The following MYBBP1A variants were observed in gnomAD, a reference collection of about 807,000 sequenced individuals.
The protein encoded by MYBBP1A is MYB binding protein 1a.
A neutral mutation model predicts 136.3 loss-of-function variants in MYBBP1A; 147 were observed. The observed-to-expected ratio is 1.08, with a 90% CI of 0.94 to 1.24. The LOEUF is 1.24. MYBBP1A is among the 50% of genes most tolerant of loss of function. The pLI is 0.00. For synonymous variants in MYBBP1A, 947 were observed against 735.8 expected (o/e 1.29, Z -4.65); for missense variants, 2,060 against 1,727.4 (o/e 1.19, Z -3.41).
Position 4,549,369 on chromosome 17 carries a change from G to C in MYBBP1A, c.1393C>G (p.Leu465Val). The C allele has an allele frequency of 6.2e-7, 1 of 1,613,050 alleles. No individual in the cohort carries two copies. Among genetic ancestry groups the C allele is most frequent in the Admixed American group, 1.7e-5 (1 of 59,994 alleles). Residue 465 changes from leucine (L) to valine (V), a missense_variant, in exon 10 of 26, where the codon CTG becomes GTG. Transcript: ENST00000254718. ...TCAGTCAAGGCCTCCTCCATCTCCA[G>C]GTGCAGGCTGTCCACAATGCTCACC... is the stretch of plus-strand genomic sequence containing the variant. ...RLVSIVDSLHLEMEEALTEQV... is the reference protein window; with the variant it reads ...RLVSIVDSLHVEMEEALTEQV...
Position 4,554,011 on chromosome 17 carries a change from G to T in MYBBP1A, c.453+8C>A. On this transcript the variant is annotated splice_region_variant and intron_variant, in intron 4 of 25. Coordinates refer to ENST00000254718, the MANE Select transcript of MYBBP1A (RefSeq NM_014520.4). ...CCTACATTCCCCCAGTCCCTCCAAAGCTCTTACCTTCACCAGCCGACCTGA... is the reference window on the plus strand; with the variant it reads ...CCTACATTCCCCCAGTCCCTCCAAATCTCTTACCTTCACCAGCCGACCTGA... The T allele has an allele frequency of 6.2e-7, 1 of 1,614,038 alleles. No homozygotes were observed. Among genetic ancestry groups the T allele is most frequent in the Non-Finnish European group, 8.5e-7 (1 of 1,180,016 alleles).
intron 8 of MYBBP1A, among the ~76,000 whole-genome samples, chr17:4,551,423 G>A (rs1475049353): frequency 6.6e-6 from 1 of 152,236 alleles, no homozygotes; most frequent in Non-Finnish European, 1.5e-5. Context: ...AACTGTCAGA[G>A]GGAAGCCAGG....
intron 2 of MYBBP1A, among the ~76,000 whole-genome samples, chr17:4,554,490 C>G (rs978515200): frequency 1.4e-4 from 21 of 152,210 alleles, no homozygotes; most frequent in Admixed American, 6.5e-5. Context: ...GAGCTCCCCT[C>G]AGGCTGATCC....
Position 4,545,652 on chromosome 17 carries a change from G to A in MYBBP1A, c.2031C>T (p.Ile677=). ...GGGCACGCGGGGTCAGGTGGGAGCA[G>A]ATGTGGCCAAACACGCTCCGGGCCA... ...RQVARSVFGH[I]CSHLTPRALQ... The change falls in exon 15 of 26, where the codon ATC becomes ATT. Residue 677 remains isoleucine, a synonymous_variant. Coordinates refer to ENST00000254718, the MANE Select transcript of MYBBP1A (RefSeq NM_014520.4). 2 of 1,610,422 alleles carry A rather than the reference G, an allele frequency of 1.2e-6. No homozygotes were observed. The highest frequency in any genetic ancestry group is 1.7e-6 in the Non-Finnish European group (2 of 1,177,486).
intron 15 of MYBBP1A, 93 bp from the exon 16 acceptor site, chr17:4,545,438 A>G: frequency 6.4e-7 from 1 of 1,555,010 alleles, no homozygotes; most frequent in South Asian, 1.1e-5. Flanking sequence ...CATTTCCCAG[A>G]AGAAAACGGA....
rs779769457 is a variant in MYBBP1A at position 4,544,820 on chromosome 17, G to T, written c.2412C>A (p.Ile804=). The change falls in exon 18 of 26, where the codon ATC becomes ATA. Residue 804 remains isoleucine (I), a synonymous_variant. Transcript: ENST00000254718. The part of the protein sequence containing the change: ...ASLFAEQKLR[I]QARRDEKNKL... ...TGTTCTTCTCGTCTCGCCGGGCCTG[G>T]ATACGCAGCTTCTGCTCGGCAAAGA... 11 of 1,605,574 alleles carry T rather than the reference G, an allele frequency of 6.9e-6. No homozygotes were observed. The Admixed American group carries it at 1.2e-4, about 17-fold the overall frequency.
chr17:4,554,091 T>C lies in MYBBP1A; in HGVS notation c.381A>G (p.Ala127=), dbSNP rs1907790582. ...EKYDLHQVKK[A]MLRPALFANL... The stretch of plus-strand genomic sequence containing the variant: ...TTGCAAAGAGAGCAGGTCTCAGCAT[T>C]GCCTAGAAAAGGATTCCAGGCACAG... The change falls in exon 4 of 26, where the codon GCA becomes GCG. Residue 127 remains alanine, a splice_region_variant and synonymous_variant. Transcript: ENST00000254718. The C allele has an allele frequency of 1.2e-6, 2 of 1,614,056 alleles. No individual in the cohort carries two copies. Among genetic ancestry groups the C allele is most frequent in the Non-Finnish European group, 1.7e-6 (2 of 1,180,032 alleles).
intron 25 of MYBBP1A, 75 bp downstream of exon 25, chr17:4,540,273 C>T (rs543376560): frequency 8.8e-6 from 13 of 1,472,090 alleles, no homozygotes; most frequent in South Asian, 6.4e-5. Flanking sequence ...GTGTGTGCAG[C>T]GTGTGTGTGT....
At chr17:4,553,049 T>C (rs1322300296) in intron 5 of MYBBP1A, among the ~76,000 whole-genome samples, 1 of 152,228 alleles carries the variant, frequency 6.6e-6, no homozygotes, top group Non-Finnish European at 1.5e-5. Context: ...CTTGAACTCC[T>C]GACCTCAAGT....
At position 4,548,132 on chromosome 17, in the gene MYBBP1A, C is replaced by T. The variant is rs777339173; in HGVS notation, c.1724+11G>A. 1 of 1,604,394 alleles carries T rather than the reference C, an allele frequency of 6.2e-7. No individual in the cohort carries two copies. Among genetic ancestry groups the T allele is most frequent in the South Asian group, 1.1e-5 (1 of 91,078 alleles). On this transcript the variant is annotated intron_variant, in intron 12 of 25. Transcript: ENST00000254718. The surrounding 1 kb of genome is among the most constrained non-coding windows in gnomAD (Gnocchi z 4.2). ...CGTCCTGCCCACCCCCTGGAAATCCCACGTGCTCACCGGTCCCAGGCCTGG... is the reference window on the plus strand; with the variant it reads ...CGTCCTGCCCACCCCCTGGAAATCCTACGTGCTCACCGGTCCCAGGCCTGG...
At chr17:4,540,963 C>G (rs935593483) in intron 24 of MYBBP1A, among the ~76,000 whole-genome samples, 4 of 152,242 alleles carry the variant, frequency 2.6e-5, no homozygotes, top group Non-Finnish European at 5.9e-5. Flanking sequence ...GCCAGCACCC[C>G]CTTGGCAAGC....
Position 4,542,648 on chromosome 17 carries a change from G to C in MYBBP1A, c.2986C>G (p.Pro996Ala). ...LTKRNSPLTV[P>A]MFLSLFSRHP... ...CGGGAGAAGAGGCTGAGGAACATGG[G>C]AACTGTGAGGGGGCTGTTGCGCTTG... Residue 996 changes from proline to alanine, a missense_variant, in exon 21 of 26, where the codon CCC (proline) becomes GCC (alanine). By Grantham distance (27) the Pro-to-Ala change is conservative. Coordinates refer to ENST00000254718, the MANE Select transcript of MYBBP1A (RefSeq NM_014520.4). 2 of 1,613,992 alleles carry C rather than the reference G, an allele frequency of 1.2e-6. No individual in the cohort carries two copies. Among genetic ancestry groups the C allele is most frequent in the Non-Finnish European group, 1.7e-6 (2 of 1,179,912 alleles).
At chr17:4,553,779 G>T in intron 5 of MYBBP1A, 31 bp downstream of exon 5, 1 of 1,571,640 alleles carries the variant, frequency 6.4e-7, no homozygotes, top group Non-Finnish European at 8.8e-7. Flanking sequence ...ACAAAGTGTT[G>T]CCTGGGCCCG....
Position 4,545,889 on chromosome 17 carries a change from T to C in MYBBP1A, c.1878A>G (p.Lys626=). The change falls in exon 14 of 26, where the codon AAA becomes AAG. Residue 626 remains lysine, a synonymous_variant. Coordinates refer to ENST00000254718, the MANE Select transcript of MYBBP1A (RefSeq NM_014520.4). ...TCCGGCGGGGCTTCTCTCCCAGACT[T>C]TTCCTGATGCAGGTCTGGATGTCAC... The part of the protein sequence containing the change: ...LLGDIQTCIR[K]SLGEKPRRSR... 6.2e-7 allele frequency: 1 copy of C among 1,613,356 alleles called. No homozygotes were observed. The highest frequency in any genetic ancestry group is 8.5e-7 in the Non-Finnish European group (1 of 1,179,992).
chr17:4,547,901 G>A (rs1012855219), intron 13 of MYBBP1A, 57 bp downstream of exon 13: 1 of 1,349,812 alleles, frequency 7.4e-7, no homozygotes, highest in Non-Finnish European at 9.8e-7. Context: ...CTCGGTAGGG[G>A]GCCCATTGTG....
At position 4,545,134 on chromosome 17, in the gene MYBBP1A, A is replaced by G. The variant is rs1487821505; in HGVS notation, c.2202T>C (p.Ser734=). 4 of 1,608,946 alleles carry G rather than the reference A, an allele frequency of 2.5e-6. No homozygotes were observed. Among genetic ancestry groups the G allele is most frequent in the Non-Finnish European group, 3.4e-6 (4 of 1,178,764 alleles). ...TCTCCTCCCCCTCGCTCTCCTCTTC[A>G]CTCTCTGAGCTTCTGTTGTCCTCAC... is the stretch of plus-strand genomic sequence containing the variant. ...EEGEDNRSSE[S]EEESEGEESE... is the part of the protein sequence containing the mutation. Residue 734 remains serine, a synonymous_variant, in exon 17 of 26, where the codon AGT becomes AGC. Coordinates refer to ENST00000254718, the MANE Select transcript of MYBBP1A (RefSeq NM_014520.4).
rs771183457 is a variant in MYBBP1A at position 4,555,228 on chromosome 17, G to C, written c.97C>G (p.Arg33Gly). 31 of 1,612,168 alleles carry C rather than the reference G, an allele frequency of 1.9e-5. 1 individual carries two copies. In the South Asian group the frequency reaches 3.4e-4, roughly 18 times the overall value. ...TCCCAGAAGAAGTCCAAGAACTCGCGACTGTGCTTCAATAGGCCATAGCGG... is the reference window on the plus strand; with the variant it reads ...TCCCAGAAGAAGTCCAAGAACTCGCCACTGTGCTTCAATAGGCCATAGCGG... ...ADRYGLLKHS[R>G]EFLDFFWDIA... The change falls in exon 1 of 26, where the codon CGC (arginine) becomes GGC (glycine). Residue 33 changes from arginine to glycine, a missense_variant. Coordinates refer to ENST00000254718, the MANE Select transcript of MYBBP1A (RefSeq NM_014520.4).
At chr17:4,553,589 C>T (rs4790643) in intron 5 of MYBBP1A, among the ~76,000 whole-genome samples, 151,724 of 152,380 alleles carry the variant, frequency 1, 75,538 homozygotes, top group East Asian at 1. Flanking sequence ...CCAATGCACA[C>T]TGAAATAATA....
At chr17:4,543,611 T>C (rs1338906567) in intron 19 of MYBBP1A, among the ~76,000 whole-genome samples, 1 of 152,112 alleles carries the variant, frequency 6.6e-6, no homozygotes, top group Non-Finnish European at 1.5e-5. Context: ...CTGGCAGAAC[T>C]ATCTGAGAAG....
Sources: gnomAD v4.1 joint callset for allele counts (sites outside exome capture counted in the v4.1 genomes callset) on GRCh38, gnomAD v4.1.1 for gene constraint, Gnocchi (gnomAD v3.1) non-coding constraint, MANE v1.5 for transcripts, NCBI Gene and HGNC (gene_info 2026-07-23, HGNC 2026-07-21) for gene names.